BCL2L11: variants seen among roughly 807,000 people sequenced by gnomAD.
The protein encoded by BCL2L11 is BCL2 like 11.
BCL2L11 carries 15 observed loss-of-function variants against 20.6 expected under a neutral mutation model. The ratio of observed to expected loss-of-function variants is 0.73; its 90% CI spans 0.49 to 1.12. The LOEUF is 1.12. BCL2L11 is among the 50% of genes most tolerant of loss of function. BCL2L11 has a pLI of 0.00. For synonymous variants in BCL2L11, 108 were observed against 92.8 expected, an observed-to-expected ratio of 1.16 and a Z score of -0.94; for missense variants, 292 against 260.9, an observed-to-expected ratio of 1.12 and a Z score of -0.82.
intron 3 of BCL2L11, among the ~76,000 whole-genome samples, chr2:111,156,128 T>C (rs1296159214): frequency 6.7e-6 from 1 of 149,274 alleles, no homozygotes; most frequent in Non-Finnish European, 1.5e-5. Context: ...TTAGCCTGCT[T>C]GGTAATTGCA....
chr2:111,161,887 T>C (rs894965381), intron 3 of BCL2L11, among the ~76,000 whole-genome samples: 2 of 152,224 alleles, frequency 1.3e-5, no homozygotes, highest in East Asian at 3.8e-4. Context: ...CCTCAGTATC[T>C]AGATCGCAGG....
intron 1 of BCL2L11, chr2:111,123,308 G>C: frequency 1.0e-6 from 1 of 985,516 alleles, no homozygotes; most frequent in African/African-American, 1.7e-5. Flanking sequence ...AGCAGGGAAC[G>C]CGGCCAGCCG....
At chr2:111,130,109 C>CTTT (rs750092051) in intron 2 of BCL2L11, 718 of 340,574 alleles carry the variant, frequency 2.1e-3, no homozygotes, top group South Asian at 3.2e-3. Context: ...TTTTACTTCT[C>CTTT]TTTTTTTTTT....
chr2:111,126,861 T>C (rs775603005), intron 2 of BCL2L11, among the ~76,000 whole-genome samples: 4 of 152,172 alleles, frequency 2.6e-5, no homozygotes, highest in Non-Finnish European at 5.9e-5. Flanking sequence ...GGGGCTCCTT[T>C]AGCTGCAAAG....
intron 1 of BCL2L11, chr2:111,122,619 G>C (rs1200952304): frequency 1.1e-5 from 11 of 984,214 alleles, no homozygotes; most frequent in Non-Finnish European, 3.6e-6. Flanking sequence ...GGCGGCGGGC[G>C]CAGAGCGCGA....
chr2:111,160,371 C>T (rs1366115532), intron 3 of BCL2L11, among the ~76,000 whole-genome samples: 1 of 152,196 alleles, frequency 6.6e-6, no homozygotes, highest in Admixed American at 6.5e-5. Context: ...TACCATCAGA[C>T]CTAGTGGGTA....
intron 3 of BCL2L11, among the ~76,000 whole-genome samples, chr2:111,152,571 G>A (rs1457674461): frequency 3.3e-5 from 5 of 152,352 alleles, no homozygotes; most frequent in East Asian, 1.9e-4. Flanking sequence ...CAAGACATAG[G>A]CTAAGGCTGG....
rs372903612 is a variant in BCL2L11, at chr2:111,123,686, A to ATTTTT, written c.-13-40_-13-36dup. The ATTTTT allele has an allele frequency of 4.9e-5, 53 of 1,080,472 alleles. No homozygotes were observed. The African/African-American group carries it at 6.7e-4, about 14-fold the overall frequency. 66.9% of individuals were successfully genotyped at this position (1,080,472 alleles called of 1,614,324 possible). ...TGAGAGCTAATTTGTTTATTCATCG[A>ATTTTT]TTTTTTTTTTTGCTTAAAATAATCT... On this transcript the variant is annotated intron_variant, in intron 1 of 3. Coordinates refer to ENST00000393256, the MANE Select transcript of BCL2L11 (RefSeq NM_138621.5).
At chr2:111,144,416 G>A (rs1184781016) in intron 2 of BCL2L11, 5 of 1,492,626 alleles carry the variant, frequency 3.3e-6, no homozygotes, top group African/African-American at 1.4e-5. Flanking sequence ...CGTCAGAGTT[G>A]AGGATTTCAA....
intron 2 of BCL2L11, among the ~76,000 whole-genome samples, chr2:111,138,769 G>A (rs1053167407): frequency 1.3e-5 from 2 of 152,112 alleles, no homozygotes; most frequent in African/African-American, 4.8e-5. Flanking sequence ...GTTTTGGGTC[G>A]GGTCCTGCCT....
chr2:111,136,988 C>T (rs902952278), intron 2 of BCL2L11, among the ~76,000 whole-genome samples: 1 of 152,178 alleles, frequency 6.6e-6, no homozygotes, highest in African/African-American at 2.4e-5. Context: ...GCTGTAACTC[C>T]ACTGTGTGTG....
At chr2:111,163,708 A>G (rs2078845432) in intron 3 of BCL2L11, among the ~76,000 whole-genome samples, 1 of 152,232 alleles carries the variant, frequency 6.6e-6, no homozygotes, top group South Asian at 2.1e-4. Context: ...TTCTTAGGGC[A>G]GATTACTCCA....
intron 2 of BCL2L11, among the ~76,000 whole-genome samples, chr2:111,133,078 T>C (rs928299121): frequency 1.3e-5 from 2 of 152,220 alleles, no homozygotes; most frequent in Non-Finnish European, 2.9e-5. Context: ...ACTGAACTTA[T>C]GCAAATAACT....
At chr2:111,162,265 A>G (rs1009971061) in intron 3 of BCL2L11, among the ~76,000 whole-genome samples, 2 of 152,216 alleles carry the variant, frequency 1.3e-5, no homozygotes, top group African/African-American at 4.8e-5. Flanking sequence ...TCAGCTTAAA[A>G]GCGTGTGCCA....
intron 3 of BCL2L11, chr2:111,161,354 AGTCT>A (rs2078524843): frequency 6.6e-7 from 1 of 1,524,092 alleles, no homozygotes; most frequent in South Asian, 1.2e-5. Flanking sequence ...CAGGAAAGAC[AGTCT>A]GTCTTTTTTA....
intron 3 of BCL2L11, chr2:111,151,848 C>G: frequency 1.3e-6 from 2 of 1,549,764 alleles, no homozygotes; most frequent in Non-Finnish European, 1.7e-6. Context: ...CATCCTCCAC[C>G]TGACATAAAC....
intron 3 of BCL2L11, chr2:111,161,544 C>A: frequency 6.5e-7 from 1 of 1,545,338 alleles, no homozygotes; most frequent in East Asian, 2.5e-5. Context: ...TGATGATCCG[C>A]TTATGGGTGT....
At chr2:111,139,659 A>G (rs1340340968) in intron 2 of BCL2L11, among the ~76,000 whole-genome samples, 1 of 152,140 alleles carries the variant, frequency 6.6e-6, no homozygotes, top group Non-Finnish European at 1.5e-5. Flanking sequence ...CTTTTTTCAC[A>G]CACTATGAGG....
chr2:111,162,430 A>G (rs781183523), intron 3 of BCL2L11, among the ~76,000 whole-genome samples: 2 of 152,164 alleles, frequency 1.3e-5, no homozygotes, highest in South Asian at 2.1e-4. Context: ...TGAATACCCC[A>G]TATCCTTTAC....
Sources: gnomAD v4.1 joint callset for allele counts (sites outside exome capture counted in the v4.1 genomes callset) on GRCh38, gnomAD v4.1.1 for gene constraint, MANE v1.5 for transcripts, NCBI Gene and HGNC (gene_info 2026-07-23, HGNC 2026-07-21) for gene names.